Variants in TNNI3K observed in about 807,000 individuals in gnomAD.
TNNI3K encodes the protein TNNI3 interacting kinase, also known as serine/threonine-protein kinase TNNI3K.
Under a neutral mutation model 114.5 loss-of-function variants are expected in TNNI3K, and 140 were observed. That is an observed-to-expected ratio of 1.22 (90% CI 1.07 to 1.41). The LOEUF is 1.41. Ranked by LOEUF, TNNI3K falls within the 40% of genes most tolerant of loss-of-function variation. The probability of loss-of-function intolerance (pLI) is 0.00; values close to 1 mark genes in which losing one functional copy is unlikely to be tolerated. For missense variants in TNNI3K, 1,125 were observed against 1,007.6 expected (o/e 1.12, Z -1.58); for synonymous variants, 347 against 347.5 (o/e 1.00, Z 0.02).
At chr1:74,342,650 T>TC (rs1237030583) in intron 7 of TNNI3K, among the ~76,000 whole-genome samples, 192 bp from the exon 8 acceptor site, 1 of 152,194 alleles carries the variant, frequency 6.6e-6, no homozygotes. Flanking sequence ...ACCTGTTTAA[T>TC]GTGGTAGTAG....
rs575015631 is a variant in TNNI3K, at chr1:74,349,109, T to G, written c.933-4157T>G. Among the ~76,000 whole-genome samples, 3 of 152,336 alleles carry G rather than the reference T, an allele frequency of 2.0e-5. No homozygotes were observed. In the East Asian group the frequency reaches 5.8e-4, roughly 29 times the overall value. On this transcript the variant is annotated intron_variant, in intron 9 of 24. Transcript: ENST00000326637. ...AGGGAATGCTTCCAGTTTTTGCCCATTCAGTATGATATTGGCTGTGGGTTT... is the reference window on the plus strand; with the variant it reads ...AGGGAATGCTTCCAGTTTTTGCCCAGTCAGTATGATATTGGCTGTGGGTTT...
At chr1:74,325,548 A>C (rs1184386497) in intron 5 of TNNI3K, among the ~76,000 whole-genome samples, 1 of 152,150 alleles carries the variant, frequency 6.6e-6, no homozygotes, top group African/African-American at 2.4e-5. Flanking sequence ...AGAAAACGTA[A>C]AATTATAAGA....
intron 11 of TNNI3K, among the ~76,000 whole-genome samples, chr1:74,356,116 A>G (rs1661642752): frequency 6.6e-6 from 1 of 152,164 alleles, no homozygotes; most frequent in African/African-American, 2.4e-5. Flanking sequence ...CTTTATATAA[A>G]TGAAATGCTA....
chr1:74,443,562 C>A (rs114548760), intron 20 of TNNI3K, among the ~76,000 whole-genome samples: 2,845 of 152,192 alleles, frequency 0.019, 92 homozygotes, highest in African/African-American at 0.064. Context: ...GGATTTACAA[C>A]TGAATTCTAC....
In TNNI3K at chr1:74,439,638, A is replaced by G; in HGVS notation, c.2011+16A>G. The G allele has an allele frequency of 6.2e-7, 1 of 1,610,444 alleles. No homozygotes were observed. The highest frequency in any genetic ancestry group is 8.5e-7 in the Non-Finnish European group (1 of 1,178,772). On this transcript the variant is annotated intron_variant, in intron 20 of 24. Transcript: ENST00000326637. ...CTCAAGCCAGGTAAGACACACTGCAATTGAAGTTTTCCTGTTTTACAGAGT... is the reference window on the plus strand; with the variant it reads ...CTCAAGCCAGGTAAGACACACTGCAGTTGAAGTTTTCCTGTTTTACAGAGT...
intron 17 of TNNI3K, among the ~76,000 whole-genome samples, chr1:74,422,046 TA>T (rs1665425775): frequency 6.6e-6 from 1 of 151,382 alleles, no homozygotes; most frequent in African/African-American, 2.4e-5. Flanking sequence ...CTACTCCTCA[TA>T]ATAAAGGGCA....
In TNNI3K at chr1:74,353,264, A is replaced by T. The variant is rs1384780574; in HGVS notation, c.933-2A>T. The T allele has an allele frequency of 1.2e-6, 2 of 1,601,462 alleles. No homozygotes were observed. Among genetic ancestry groups the T allele is most frequent in the Admixed American group, 1.8e-5 (1 of 56,944 alleles). On this transcript the variant is annotated splice_acceptor_variant, in intron 9 of 24. Coordinates refer to ENST00000326637, the MANE Select transcript of TNNI3K (RefSeq NM_015978.3). LOFTEE classifies it high-confidence loss of function. ...TTCTTGTTTTATGGTTTTTTTTTTC[A>T]GTGCTTGTACCTATGGCAAGAGCAT... is the stretch of plus-strand genomic sequence containing the variant.
chr1:74,435,615 A>C (rs910267875), intron 17 of TNNI3K, among the ~76,000 whole-genome samples: 1 of 152,038 alleles, frequency 6.6e-6, no homozygotes, highest in African/African-American at 2.4e-5. Flanking sequence ...TGTATTGATC[A>C]TGGCATTTTC....
At chr1:74,371,966 C>T (rs1459160782) in intron 17 of TNNI3K, 1 of 151,058 alleles carries the variant, frequency 6.6e-6, no homozygotes, top group Non-Finnish European at 1.5e-5. Context: ...AGAGACATGT[C>T]AACTTTAAAT....
intron 5 of TNNI3K, among the ~76,000 whole-genome samples, chr1:74,296,215 G>A (rs2100303759): frequency 6.6e-6 from 1 of 151,808 alleles, no homozygotes; most frequent in Non-Finnish European, 1.5e-5. Flanking sequence ...GGTGGAGCTT[G>A]CAGTGAGCGG....
chr1:74,268,434 C>T (rs1028071379), intron 4 of TNNI3K, among the ~76,000 whole-genome samples: 3 of 151,794 alleles, frequency 2.0e-5, no homozygotes, highest in Non-Finnish European at 2.9e-5. Context: ...AACTAGTAGA[C>T]GTTTTCTCGC....
intron 9 of TNNI3K, 58 bp from the exon 10 acceptor site, chr1:74,353,208 C>A: frequency 6.3e-7 from 1 of 1,576,056 alleles, no homozygotes; most frequent in Non-Finnish European, 8.6e-7. Flanking sequence ...GGAGAGGGCA[C>A]AATTTAGTTC....
intron 17 of TNNI3K, among the ~76,000 whole-genome samples, chr1:74,390,973 A>AAG: frequency 6.6e-6 from 1 of 151,554 alleles, no homozygotes; most frequent in African/African-American, 2.4e-5. Context: ...CCGAAAAAAA[A>AAG]AAAAAACTGT....
rs373670172 is a variant in TNNI3K at position 74,460,291 on chromosome 1, T to G, written c.2012-3150T>G. ...ACCGTGTTAGCCAGGATGGTCTCAA[T>G]CTCCTGACCTCGTGATCTGCCGCCT... is the stretch of plus-strand genomic sequence containing the variant. On this transcript the variant is annotated intron_variant, in intron 20 of 24. Coordinates refer to ENST00000326637, the MANE Select transcript of TNNI3K (RefSeq NM_015978.3). 1.1e-4 allele frequency among the ~76,000 whole-genome samples: 17 copies of G among 152,102 alleles called. No individual in the cohort carries two copies. The East Asian group carries it at 1.7e-3, about 16-fold the overall frequency.
chr1:74,352,671 G>A (rs1441509585), intron 9 of TNNI3K, among the ~76,000 whole-genome samples: 1 of 152,170 alleles, frequency 6.6e-6, no homozygotes, highest in East Asian at 1.9e-4. Flanking sequence ...GCAATGGCAG[G>A]CGTCCCTCCC....
chr1:74,397,902 G>A (rs1664167609), intron 17 of TNNI3K, among the ~76,000 whole-genome samples: 1 of 152,228 alleles, frequency 6.6e-6, no homozygotes, highest in South Asian at 2.1e-4. Flanking sequence ...AGGCCAAGAA[G>A]GCGCTATATA....
At chr1:74,318,315 C>T (rs1467100794) in intron 5 of TNNI3K, among the ~76,000 whole-genome samples, 1 of 152,170 alleles carries the variant, frequency 6.6e-6, no homozygotes, top group Admixed American at 6.6e-5. Context: ...TTGAGAGATT[C>T]TGATTCAGTA....
At chr1:74,391,729 A>G (rs1042315313) in intron 17 of TNNI3K, among the ~76,000 whole-genome samples, 1 of 152,078 alleles carries the variant, frequency 6.6e-6, no homozygotes, top group African/African-American at 2.4e-5. Flanking sequence ...GGAGAAAGAA[A>G]AGAGAAGAGA....
At chr1:74,294,395 A>G (rs1349650737) in intron 5 of TNNI3K, among the ~76,000 whole-genome samples, 2 of 152,016 alleles carry the variant, frequency 1.3e-5, no homozygotes, top group Non-Finnish European at 2.9e-5. Context: ...TGAATTTGAT[A>G]TTTTCAGAAG....
Sources: allele counts gnomAD v4.1 joint callset (sites outside exome capture counted in the v4.1 genomes callset), GRCh38; gene constraint gnomAD v4.1.1; transcripts MANE v1.5; gene names NCBI Gene and HGNC (gene_info 2026-07-23, HGNC 2026-07-21).